The following ADGRL2 variants were observed in gnomAD, a reference collection of about 807,000 sequenced individuals.
ADGRL2 encodes calcium-independent alpha-latrotoxin receptor 2.
In ADGRL2, 44 loss-of-function variants were observed where a neutral mutation model predicts 157.4. The ratio of observed to expected loss-of-function variants is 0.28; its 90% CI spans 0.22 to 0.36. The LOEUF (loss-of-function observed/expected upper bound fraction) is 0.36. Among genes scored for constraint, ADGRL2 ranks in the 10% least tolerant of loss-of-function variants. ADGRL2 has a pLI of 1.00. For synonymous variants in ADGRL2, 585 were observed against 624.7 expected (o/e 0.94, Z 0.95); for missense variants, 1,510 against 1,768.9 (o/e 0.85, Z 2.63).
At chr1:81,670,591 C>T (rs972923331) in intron 3 of ADGRL2, among the ~76,000 whole-genome samples, 7 of 152,154 alleles carry the variant, frequency 4.6e-5, no homozygotes, top group Admixed American at 2.0e-4. Context: ...AGGAAGGACA[C>T]GGCATCTGGA....
intron 3 of ADGRL2, among the ~76,000 whole-genome samples, chr1:81,630,808 G>T (rs1388078187): frequency 6.6e-6 from 1 of 152,166 alleles, no homozygotes; most frequent in African/African-American, 2.4e-5. Flanking sequence ...TGTCAACTAT[G>T]CTATTGATAT....
chr1:81,803,713 T>A (rs1471234755), intron 1 of ADGRL2, among the ~76,000 whole-genome samples: 1 of 151,908 alleles, frequency 6.6e-6, no homozygotes, highest in Non-Finnish European at 1.5e-5. Context: ...AACCATATGG[T>A]TCCCGTTACA....
At chr1:81,815,173 A>G (rs1382763856) in intron 1 of ADGRL2, among the ~76,000 whole-genome samples, 1 of 151,836 alleles carries the variant, frequency 6.6e-6, no homozygotes, top group African/African-American at 2.4e-5. Flanking sequence ...TAGAAAATTT[A>G]TTAATTTTTA....
At chr1:81,331,208 A>C (rs1661243850) in intron 1 of ADGRL2, among the ~76,000 whole-genome samples, 1 of 152,174 alleles carries the variant, frequency 6.6e-6, no homozygotes, top group Non-Finnish European at 1.5e-5. Flanking sequence ...CTTTTTAAAC[A>C]TCAGACAGTA....
chr1:81,412,685 G>T lies in ADGRL2; in HGVS notation c.-301-32351G>T, dbSNP rs144471346. ...TTGGATTTACAAGAGGATGAAAGAAGAAAATAATTGATAAATACTTGGTTG... is the reference window on the plus strand; with the variant it reads ...TTGGATTTACAAGAGGATGAAAGAATAAAATAATTGATAAATACTTGGTTG... On this transcript the variant is annotated intron_variant, in intron 1 of 24. Transcript: ENST00000370721. Among the ~76,000 whole-genome samples, 545 of 152,332 alleles carry T rather than the reference G, an allele frequency of 3.6e-3. 2 individuals are homozygous for T. The highest frequency in any genetic ancestry group is 0.012 in the African/African-American group (513 of 41,566).
intron 1 of ADGRL2, among the ~76,000 whole-genome samples, chr1:81,813,530 G>A (rs960767616): frequency 1.3e-5 from 2 of 151,508 alleles, no homozygotes; most frequent in African/African-American, 4.8e-5. Context: ...GCGTGGCCCC[G>A]TATTATCTTA....
intron 3 of ADGRL2, among the ~76,000 whole-genome samples, chr1:81,614,461 G>T (rs1192760360): frequency 6.6e-6 from 1 of 152,152 alleles, no homozygotes; most frequent in East Asian, 1.9e-4. Flanking sequence ...CAGGCTGCAT[G>T]GCATTAAAAT....
chr1:81,452,080 C>G (rs1270553611), intron 2 of ADGRL2, among the ~76,000 whole-genome samples: 2 of 152,114 alleles, frequency 1.3e-5, no homozygotes, highest in African/African-American at 4.8e-5. Flanking sequence ...CACCTCCACC[C>G]CAGCTTATTT....
intron 1 of ADGRL2, among the ~76,000 whole-genome samples, chr1:81,737,972 G>A (rs2084956971): frequency 6.6e-6 from 1 of 152,176 alleles, no homozygotes; most frequent in African/African-American, 2.4e-5. Flanking sequence ...GATATAACTA[G>A]ACTTGTGAAC....
At chr1:81,604,661 A>G (rs946632694) in intron 3 of ADGRL2, among the ~76,000 whole-genome samples, 1 of 152,112 alleles carries the variant, frequency 6.6e-6, no homozygotes, top group Non-Finnish European at 1.5e-5. Context: ...AGAGCTGGCC[A>G]CCCTACCAAG....
chr1:81,536,645 G>A (rs972255481), intron 2 of ADGRL2, among the ~76,000 whole-genome samples: 22 of 152,134 alleles, frequency 1.4e-4, no homozygotes, highest in East Asian at 5.8e-4. Flanking sequence ...CTTTGTCGTC[G>A]TTGTTTTCCT....
rs566827279 is a variant in ADGRL2 at position 81,877,676 on chromosome 1, G to T, written c.74-29341G>T. Among the ~76,000 whole-genome samples the T allele has an allele frequency of 1.0e-4, 15 of 145,744 alleles. No homozygotes were observed. The South Asian group carries it at 3.1e-3, about 30-fold the overall frequency. On this transcript the variant is annotated intron_variant, in intron 2 of 23. Transcript: ENST00000686636. Reference sequence around the variant, plus strand: ...GTGGCTTTTTTTGGGGAGGGGGGAGGTTGTTGTTTGCTTTAAGAACCTTGC... The same window carrying T: ...GTGGCTTTTTTTGGGGAGGGGGGAGTTTGTTGTTTGCTTTAAGAACCTTGC...
At chr1:81,672,798 A>G (rs1250467888) in intron 3 of ADGRL2, among the ~76,000 whole-genome samples, 1 of 152,240 alleles carries the variant, frequency 6.6e-6, no homozygotes, top group Non-Finnish European at 1.5e-5. Flanking sequence ...GTGAAATATT[A>G]TACTGAGTAT....
intron 2 of ADGRL2, among the ~76,000 whole-genome samples, chr1:81,485,243 A>C (rs931072596): frequency 6.6e-6 from 1 of 152,036 alleles, no homozygotes; most frequent in Admixed American, 6.6e-5. Context: ...AAAAGAAATA[A>C]AAATCATTAG....
chr1:81,968,965 C>A (rs1258865091), intron 14 of ADGRL2, among the ~76,000 whole-genome samples: 1 of 152,156 alleles, frequency 6.6e-6, no homozygotes, highest in African/African-American at 2.4e-5. Flanking sequence ...CTTCCTCTCT[C>A]ATAGATCATT....
chr1:81,830,400 G>A (rs1340551108), intron 1 of ADGRL2, among the ~76,000 whole-genome samples: 1 of 152,170 alleles, frequency 6.6e-6, no homozygotes, highest in Non-Finnish European at 1.5e-5. Context: ...GACATAGTTT[G>A]CAAATGAATT....
chr1:81,310,978 C>T (rs910769911), intron 1 of ADGRL2, among the ~76,000 whole-genome samples: 17 of 152,000 alleles, frequency 1.1e-4, no homozygotes, highest in African/African-American at 4.1e-4. Flanking sequence ...TCCCTCATTA[C>T]TAAATTCTTT....
chr1:81,747,701 T>TTGTG (rs10556401), intron 1 of ADGRL2, among the ~76,000 whole-genome samples: 3,009 of 147,328 alleles, frequency 0.02, 39 homozygotes, highest in East Asian at 0.044. Flanking sequence ...CCTTTAATGT[T>TTGTG]TGTGTGTGTG....
intron 1 of ADGRL2, among the ~76,000 whole-genome samples, chr1:81,815,973 G>GT (rs1362192076): frequency 1.3e-5 from 2 of 151,696 alleles, no homozygotes; most frequent in African/African-American, 4.8e-5. Flanking sequence ...TTTTTAATAA[G>GT]TTTAAGAGTA....
Sources: allele counts gnomAD v4.1 joint callset (sites outside exome capture counted in the v4.1 genomes callset), GRCh38; gene constraint gnomAD v4.1.1; transcripts MANE v1.5; gene names NCBI Gene and HGNC (gene_info 2026-07-23, HGNC 2026-07-21).